Variants in AP1G1 observed in about 807,000 individuals in gnomAD.
The protein encoded by AP1G1 is adaptor related protein complex 1 subunit gamma 1.
A neutral mutation model predicts 108.3 loss-of-function variants in AP1G1; 7 were observed. That is an observed-to-expected ratio of 0.06 (90% CI 0.04 to 0.12). The LOEUF (loss-of-function observed/expected upper bound fraction) is 0.12. Ranked by LOEUF, AP1G1 falls within the 10% of genes least tolerant of loss-of-function variation. The pLI is 1.00. For synonymous variants in AP1G1, 379 were observed against 353.5 expected, an observed-to-expected ratio of 1.07 and a Z score of -0.81; for missense variants, 756 against 1,010.7, an observed-to-expected ratio of 0.75 and a Z score of 3.42.
Position 71,761,159 on chromosome 16 carries a change from G to A in AP1G1, c.974+353C>T, listed in dbSNP as rs1033395716. ...TTTCATGTAAATAAATCAATTTACT[G>A]AACACAGACACACTCATCATTTACA... On this transcript the variant is annotated intron_variant, in intron 10 of 22. Coordinates refer to ENST00000299980, the MANE Select transcript of AP1G1 (RefSeq NM_001128.6). Among the ~76,000 whole-genome samples, 4 of 152,004 alleles carry A rather than the reference G, an allele frequency of 2.6e-5. No individual in the cohort carries two copies. In the South Asian group the frequency reaches 6.2e-4, roughly 24 times the overall value.
At chr16:71,733,833 A>T (rs2045499918) in intron 22 of AP1G1, among the ~76,000 whole-genome samples, 2 of 152,218 alleles carry the variant, frequency 1.3e-5, no homozygotes, top group South Asian at 2.1e-4. Flanking sequence ...TTGTTCCTAA[A>T]GCATAAAATT....
rs373576388 is a variant in AP1G1 at position 71,758,970 on chromosome 16, A to G, written c.975-49T>C. ...ACAGAGTTAAAATGTAAAATTCAGG[A>G]TAGTTTTTCTCCGTTTAAATAATAA... On this transcript the variant is annotated intron_variant, in intron 10 of 22. Coordinates refer to ENST00000299980, the MANE Select transcript of AP1G1 (RefSeq NM_001128.6). The G allele has an allele frequency of 2.7e-5, 29 of 1,078,870 alleles. No homozygotes were observed. In the Middle Eastern group the frequency reaches 1.4e-3, roughly 51 times the overall value. 66.8% of individuals were successfully genotyped at this position (1,078,870 alleles called of 1,614,324 possible). A position where few individuals can be genotyped will look rare whatever the true frequency, so the allele number is the denominator to read the frequency against.
In AP1G1 at chr16:71,773,257, C is replaced by T; in HGVS notation, c.432G>A (p.Lys144=). 1 of 1,613,632 alleles carries T rather than the reference C, an allele frequency of 6.2e-7. No individual in the cohort carries two copies. Among genetic ancestry groups the T allele is most frequent in the Non-Finnish European group, 8.5e-7 (1 of 1,179,916 alleles). The change falls in exon 4 of 23, where the codon AAG becomes AAA. Residue 144 remains lysine, a synonymous_variant. Transcript: ENST00000299980. Reference sequence around the variant, plus strand: ...AGTAAGAGTTGGAGGTTTTCAGGAGCTTCTCTACCTCTCCTGCAAGATCTC... The same window carrying T: ...AGTAAGAGTTGGAGGTTTTCAGGAGTTTCTCTACCTCTCCTGCAAGATCTC... The part of the protein sequence containing the change: ...MCRDLAGEVE[K]LLKTSNSYLR...
At chr16:71,800,005 A>G (rs1478581651) in intron 1 of AP1G1, among the ~76,000 whole-genome samples, 2 of 150,876 alleles carry the variant, frequency 1.3e-5, no homozygotes, top group African/African-American at 4.9e-5. Flanking sequence ...CAGATTGCTC[A>G]AGCCCAGGAG....
chr16:71,737,723 A>G (rs1382105104), intron 21 of AP1G1, among the ~76,000 whole-genome samples: 1 of 152,272 alleles, frequency 6.6e-6, no homozygotes, highest in East Asian at 1.9e-4. Context: ...AAACATCCTC[A>G]ATTTCCAAGT....
At chr16:71,797,865 T>A (rs922487226) in intron 1 of AP1G1, among the ~76,000 whole-genome samples, 1 of 152,108 alleles carries the variant, frequency 6.6e-6, no homozygotes, top group Non-Finnish European at 1.5e-5. Context: ...TGAATCCAAG[T>A]TCTATTAATT....
At chr16:71,778,995 AACC>A (rs748339061) in intron 2 of AP1G1, among the ~76,000 whole-genome samples, 1 of 152,186 alleles carries the variant, frequency 6.6e-6, no homozygotes, top group Non-Finnish European at 1.5e-5. Context: ...AAACATTTCT[AACC>A]ACAACTCTAG....
chr16:71,743,323 G>A (rs2029967676), intron 19 of AP1G1: 2 of 152,040 alleles, frequency 1.3e-5, no homozygotes, highest in African/African-American at 2.4e-5. Context: ...CAGCCTGTGG[G>A]AATGAGCTTA....
At chr16:71,803,219 G>T (rs1445322450) in intron 1 of AP1G1, among the ~76,000 whole-genome samples, 1 of 151,498 alleles carries the variant, frequency 6.6e-6, no homozygotes, top group Non-Finnish European at 1.5e-5. Flanking sequence ...GTCTCAAAAA[G>T]AATAAATAAA....
intron 9 of AP1G1, among the ~76,000 whole-genome samples, chr16:71,763,207 A>C (rs2031173841): frequency 6.6e-6 from 1 of 152,208 alleles, no homozygotes; most frequent in African/African-American, 2.4e-5. Context: ...AAACAAAACA[A>C]AAAAGAAGTG....
At chr16:71,771,987 A>T (rs1193945118) in intron 4 of AP1G1, among the ~76,000 whole-genome samples, 1 of 152,170 alleles carries the variant, frequency 6.6e-6, no homozygotes, top group Non-Finnish European at 1.5e-5. Context: ...ACATTTAAAC[A>T]CTGATTTTTG....
chr16:71,733,293 C>A, intron 22 of AP1G1, 134 bp from the exon 23 acceptor site: 5 of 692,736 alleles, frequency 7.2e-6, no homozygotes, highest in Admixed American at 5.8e-5. Context: ...GACAGGTAAA[C>A]AACAACAAAA....
At chr16:71,737,564 C>T (rs1210921773) in intron 21 of AP1G1, among the ~76,000 whole-genome samples, 3 of 152,190 alleles carry the variant, frequency 2.0e-5, no homozygotes, top group Admixed American at 6.5e-5. Context: ...GGATTACAGG[C>T]GTGAGATACC....
intron 17 of AP1G1, 36 bp from the exon 18 acceptor site, chr16:71,745,650 T>C (rs756416758): frequency 1.1e-5 from 17 of 1,570,946 alleles, no homozygotes; most frequent in Non-Finnish European, 1.2e-5. Flanking sequence ...TCTAGGCAGT[T>C]AACCTAGATT....
chr16:71,799,332 C>G (rs1485096299), intron 1 of AP1G1, among the ~76,000 whole-genome samples: 1 of 152,136 alleles, frequency 6.6e-6, no homozygotes, highest in Non-Finnish European at 1.5e-5. Context: ...TATAAGGCGG[C>G]ATGTACAAGG....
rs1246198366 is a variant in AP1G1, at chr16:71,749,901, G to C, written c.1490C>G (p.Pro497Arg). Residue 497 changes from proline to arginine, a missense_variant, in exon 15 of 23, where the codon CCT becomes CGT. By Grantham distance (103) the Pro-to-Arg change is moderately radical (BLOSUM62 -2). Coordinates refer to ENST00000299980, the MANE Select transcript of AP1G1 (RefSeq NM_001128.6). ...LVSGQCEEEE[P>R]IQVTEDEVLD... ...AAGAGTGACAAGGAGTACCTGAATA[G>C]GCTCTTCCTCTTCACACTGGCCAGA... 1.2e-6 allele frequency: 2 copies of C among 1,605,736 alleles called. No homozygotes were observed. Among genetic ancestry groups the C allele is most frequent in the South Asian group, 2.2e-5 (2 of 90,922 alleles).
intron 1 of AP1G1, among the ~76,000 whole-genome samples, chr16:71,798,090 TG>T (rs1245918151): frequency 6.6e-6 from 1 of 152,200 alleles, no homozygotes. Flanking sequence ...AAATATTTGT[TG>T]AAAGACCTAA....
At position 71,729,099 on chromosome 16, in the gene AP1G1, G is replaced by A. The variant is rs1331787492; in HGVS notation, c.*3959C>T. 1 of 152,470 alleles carries A rather than the reference G, an allele frequency of 6.6e-6. No individual in the cohort carries two copies. Among genetic ancestry groups the A allele is most frequent in the East Asian group, 1.9e-4 (1 of 5,198 alleles). The allele number at this position is 152,470 out of a possible 1,614,324, so 9.4% of individuals were successfully genotyped here. A position where few individuals can be genotyped will look rare whatever the true frequency, so the allele number is the denominator to read the frequency against. Reference sequence around the variant, plus strand: ...ACAGCAGAATTCTAATGCATCCCATGTAAATGTTTACATCCATTTTATTCC... The same window carrying A: ...ACAGCAGAATTCTAATGCATCCCATATAAATGTTTACATCCATTTTATTCC... On this transcript the variant is annotated 3_prime_UTR_variant, in exon 23 of 23. Transcript: ENST00000299980.
chr16:71,774,204 C>A, intron 3 of AP1G1: 1 of 345,442 alleles, frequency 2.9e-6, no homozygotes, highest in East Asian at 7.5e-5. Flanking sequence ...ATGGTGAAAC[C>A]CCGTCTCTAC....
Sources: allele counts gnomAD v4.1 joint callset (sites outside exome capture counted in the v4.1 genomes callset), GRCh38; gene constraint gnomAD v4.1.1; transcripts MANE v1.5; gene names NCBI Gene and HGNC (gene_info 2026-07-23, HGNC 2026-07-21).